The following WDR20 variants were observed in gnomAD, a reference collection of about 807,000 sequenced individuals.
WDR20 encodes the protein WD repeat-containing protein 20.
Under a neutral mutation model 38.7 loss-of-function variants are expected in WDR20, and 3 were observed. The ratio of observed to expected loss-of-function variants is 0.08; its 90% confidence interval spans 0.04 to 0.20. The LOEUF (loss-of-function observed/expected upper bound fraction) is 0.20, where lower values mean the gene tolerates loss of function less well. Ranked by LOEUF, WDR20 falls within the 10% of genes least tolerant of loss-of-function variation. The probability of loss-of-function intolerance (pLI) is 1.00; values close to 1 mark genes in which losing one functional copy is unlikely to be tolerated. For synonymous variants in WDR20, 298 were observed against 285.6 expected (o/e 1.04, Z -0.44); for missense variants, 559 against 727.7 (o/e 0.77, Z 2.67).
intron 1 of WDR20, among the ~76,000 whole-genome samples, chr14:102,140,588 A>G (rs1954780231): frequency 6.6e-6 from 1 of 152,130 alleles, no homozygotes; most frequent in African/African-American, 2.4e-5. Context: ...GAGAACAGGG[A>G]CGCAAGACGG....
At chr14:102,152,649 A>C (rs2056323335) in intron 1 of WDR20, among the ~76,000 whole-genome samples, 2 of 152,086 alleles carry the variant, frequency 1.3e-5, no homozygotes, top group Non-Finnish European at 2.9e-5. Context: ...TCTTGCCCTC[A>C]TATGATCCAC....
At chr14:102,195,233 C>T in intron 2 of WDR20, 113 bp downstream of exon 2, 1 of 1,181,996 alleles carries the variant, frequency 8.5e-7, no homozygotes, top group Non-Finnish European at 1.2e-6. Context: ...TTTATTCGCC[C>T]AGCCCTCCTA....
chr14:102,151,170 G>A (rs2055655738), intron 1 of WDR20, among the ~76,000 whole-genome samples: 1 of 147,752 alleles, frequency 6.8e-6, no homozygotes, highest in South Asian at 2.1e-4. Flanking sequence ...CATCCATTGG[G>A]GAATTTTTTT....
At chr14:102,200,461 T>TGTGTGTGTGTG (rs201901921) in intron 2 of WDR20, among the ~76,000 whole-genome samples, 1 of 100,678 alleles carries the variant, frequency 9.9e-6, no homozygotes, top group Non-Finnish European at 2.1e-5. Context: ...TTTTAAATTT[T>TGTGTGTGTGTG]TTTTTTTGTG....
At chr14:102,198,108 T>G in intron 2 of WDR20, 1 of 90,372 alleles carries the variant, frequency 1.1e-5, no homozygotes, top group Non-Finnish European at 2.1e-5. Context: ...TTTATTTATT[T>G]ATTTATTTAT....
downstream of WDR20, among the ~76,000 whole-genome samples, chr14:102,218,368 G>A (rs1027614300): frequency 6.6e-6 from 1 of 152,184 alleles, no homozygotes; most frequent in African/African-American, 2.4e-5. Flanking sequence ...AGAAGGGGAA[G>A]CCCTCCCAGA....
At chr14:102,154,094 T>C (rs1268860357) in intron 1 of WDR20, among the ~76,000 whole-genome samples, 1 of 152,160 alleles carries the variant, frequency 6.6e-6, no homozygotes, top group Non-Finnish European at 1.5e-5. Context: ...GCATAGGAGT[T>C]TGAGGTTGCA....
At chr14:102,179,404 G>A (rs1320679142) in intron 1 of WDR20, among the ~76,000 whole-genome samples, 1 of 145,084 alleles carries the variant, frequency 6.9e-6, no homozygotes, top group Non-Finnish European at 1.5e-5. Context: ...TCTGACCTCT[G>A]AACTTCTAAC....
Position 102,189,095 on chromosome 14 carries a change from A to G in WDR20, c.250-5843A>G, listed in dbSNP as rs183599755. ...CGTGGTGGCACGTACCTGTAATCCC[A>G]GCTACTCGGGGGGCTGAGGCAGGAG... On this transcript the variant is annotated intron_variant, in intron 1 of 2. Coordinates refer to ENST00000342702, the MANE Select transcript of WDR20 (RefSeq NM_144574.4). Among the ~76,000 whole-genome samples the G allele has an allele frequency of 2.9e-3, 439 of 152,010 alleles. 4 individuals are homozygous for G. The highest frequency in any genetic ancestry group is 0.01 in the African/African-American group (417 of 41,468).
intron 1 of WDR20, among the ~76,000 whole-genome samples, chr14:102,194,664 G>A (rs2059120525): frequency 6.6e-6 from 1 of 152,198 alleles, no homozygotes; most frequent in African/African-American, 2.4e-5. Flanking sequence ...TCCTGCTGAA[G>A]TCCAGGAGTC....
At chr14:102,193,323 C>A (rs2058849542) in intron 1 of WDR20, 2 of 766,626 alleles carry the variant, frequency 2.6e-6, no homozygotes, top group Non-Finnish European at 2.1e-6. Context: ...TTCAGCCTGC[C>A]TTGCTGTACA....
At position 102,209,137 on chromosome 14, in the gene WDR20, G is replaced by A. The variant is rs1597018328; in HGVS notation, c.967G>A (p.Asp323Asn). 1 of 1,614,142 alleles carries A rather than the reference G, an allele frequency of 6.2e-7. No homozygotes were observed. ...DPYTTSVEEGDPMEFSGSDED... is the reference protein window; with the variant it reads ...DPYTTSVEEGNPMEFSGSDED... ...TTATACCACTAGTGTAGAAGAAGGT[G>A]ACCCTATGGAGTTTAGTGGCAGCGA... Residue 323 changes from aspartate (D) to asparagine (N), a missense_variant, in exon 3 of 3, where the codon GAC becomes AAC. Physicochemically the swap from Asp to Asn is conservative, Grantham distance 23. Transcript: ENST00000342702. This position sits in a 1 kb window ranked among gnomAD's most constrained non-coding sequence, Gnocchi z 6.0.
chr14:102,165,734 T>G (rs1157523456), intron 1 of WDR20, among the ~76,000 whole-genome samples: 2 of 150,552 alleles, frequency 1.3e-5, no homozygotes, highest in African/African-American at 2.4e-5. Context: ...CCTCCCAGGC[T>G]CAGGTGATCC....
chr14:102,200,404 A>G (rs1230570987), intron 2 of WDR20, among the ~76,000 whole-genome samples: 4 of 151,686 alleles, frequency 2.6e-5, no homozygotes, highest in Non-Finnish European at 5.9e-5. Context: ...ACCCGGTCAC[A>G]TTCAGCTCAC....
Position 102,140,084 on chromosome 14 carries a change from A to G in WDR20, c.161A>G (p.Asn54Ser), listed in dbSNP as rs1352585624. ...AACCCTGTCCGCGTCTCCTTCGTAA[A>G]CCTCAACGACCAGTCTGGCAACGGC... ...GSNPVRVSFV[N>S]LNDQSGNGDR... The change falls in exon 1 of 3, where the codon AAC becomes AGC. Residue 54 changes from asparagine to serine, a missense_variant. Asn to Ser is a conservative substitution (Grantham distance 46). Coordinates refer to ENST00000342702, the MANE Select transcript of WDR20 (RefSeq NM_144574.4). 1.2e-6 allele frequency: 2 copies of G among 1,614,106 alleles called. No individual in the cohort carries two copies. Among genetic ancestry groups the G allele is most frequent in the Admixed American group, 3.3e-5 (2 of 60,022 alleles).
In WDR20 at chr14:102,220,993, C is replaced by G. The variant is rs375048093; in HGVS notation, c.1693-1837C>G. Among the ~76,000 whole-genome samples, 5 of 152,216 alleles carry G rather than the reference C, an allele frequency of 3.3e-5. No homozygotes were observed. The highest frequency in any genetic ancestry group is 1.3e-4 in the Admixed American group (2 of 15,280). On this transcript the variant is annotated intron_variant, in intron 3 of 3. Transcript: ENST00000335263. This position sits in a 1 kb window ranked among gnomAD's most constrained non-coding sequence, Gnocchi z 4.2. Reference sequence around the variant, plus strand: ...TGTTGGCCAGGCTGGTCTCAGACTCCTGGGCTCAAGTAATCTCCCCACCTC... The same window carrying G: ...TGTTGGCCAGGCTGGTCTCAGACTCGTGGGCTCAAGTAATCTCCCCACCTC...
intron 1 of WDR20, among the ~76,000 whole-genome samples, chr14:102,161,189 C>T (rs1259857695): frequency 4.1e-5 from 4 of 96,396 alleles, no homozygotes; most frequent in African/African-American, 7.5e-5. Flanking sequence ...CTCACTCAGT[C>T]GCCCAGGCTA....
intron 1 of WDR20, among the ~76,000 whole-genome samples, chr14:102,144,004 C>T (rs1359816542): frequency 1.7e-5 from 2 of 119,982 alleles, no homozygotes; most frequent in Non-Finnish European, 3.6e-5. Flanking sequence ...TATCAATACC[C>T]TGTGTCCACA....
chr14:102,191,900 C>G (rs929369211), intron 1 of WDR20, among the ~76,000 whole-genome samples: 6 of 152,100 alleles, frequency 3.9e-5, no homozygotes, highest in African/African-American at 1.4e-4. Flanking sequence ...TGGATTGATA[C>G]TTTTGTAAAA....
Sources: gnomAD v4.1 joint callset for allele counts (sites outside exome capture counted in the v4.1 genomes callset) on GRCh38, gnomAD v4.1.1 for gene constraint, Gnocchi (gnomAD v3.1) non-coding constraint, MANE v1.5 for transcripts, NCBI Gene and HGNC (gene_info 2026-07-23, HGNC 2026-07-21) for gene names.